The following ATP10B variants were observed in gnomAD, a reference collection of about 807,000 sequenced individuals.
ATP10B encodes ATPase phospholipid transporting 10B (putative).
A neutral mutation model predicts 141.2 loss-of-function variants in ATP10B; 122 were observed. The observed-to-expected ratio is 0.86, with a 90% CI of 0.75 to 1.00. ATP10B has a LOEUF of 1.00. Among genes scored for constraint, ATP10B ranks in the 50% least tolerant of loss-of-function variants. ATP10B has a pLI of 0.00. For synonymous variants in ATP10B, 685 were observed against 692.0 expected (o/e 0.99, Z 0.16); for missense variants, 1,876 against 1,825.3 (o/e 1.03, Z -0.51).
the ATP10B span, among the ~76,000 whole-genome samples, chr5:160,891,203 A>G: frequency 2.6e-5 from 4 of 152,162 alleles, no homozygotes; most frequent in East Asian, 3.9e-4. Flanking sequence ...TTCTTTGCCA[A>G]CATTCTGTGT....
intron 7 of ATP10B, among the ~76,000 whole-genome samples, chr5:160,669,810 C>G (rs1198094535): frequency 2.7e-5 from 4 of 150,208 alleles, no homozygotes; most frequent in African/African-American, 9.8e-5. Flanking sequence ...CCATGTTGGC[C>G]AGGATGATCT....
At chr5:160,744,764 T>C (rs906751737) in intron 2 of ATP10B, among the ~76,000 whole-genome samples, 1 of 152,240 alleles carries the variant, frequency 6.6e-6, no homozygotes, top group African/African-American at 2.4e-5. Context: ...AACTGTCTAT[T>C]GAGACAGACA....
At chr5:160,592,218 A>G (rs1456585688) in intron 22 of ATP10B, among the ~76,000 whole-genome samples, 1 of 152,184 alleles carries the variant, frequency 6.6e-6, no homozygotes, top group Non-Finnish European at 1.5e-5. Flanking sequence ...TGCCTTCCCT[A>G]ATATGAAATA....
At chr5:160,709,585 C>A (rs532110173) in intron 3 of ATP10B, among the ~76,000 whole-genome samples, 12 of 146,330 alleles carry the variant, frequency 8.2e-5, no homozygotes, top group Non-Finnish European at 1.3e-4. Context: ...TGGATACTTT[C>A]ATAAACAAAT....
the ATP10B span, among the ~76,000 whole-genome samples, chr5:160,884,793 C>T: frequency 6.6e-6 from 1 of 152,092 alleles, no homozygotes; most frequent in Non-Finnish European, 1.5e-5. Context: ...TGAAAGGTGG[C>T]ACACAAATGT....
intron 1 of ATP10B, among the ~76,000 whole-genome samples, chr5:160,848,534 A>C (rs1389668681): frequency 6.6e-6 from 1 of 152,246 alleles, no homozygotes; most frequent in Non-Finnish European, 1.5e-5. Flanking sequence ...TTGCTAATCC[A>C]CGTGCCAACT....
chr5:160,606,485 C>G (rs1403500763), intron 19 of ATP10B, among the ~76,000 whole-genome samples: 1 of 152,200 alleles, frequency 6.6e-6, no homozygotes. Context: ...ATTTCTTGAG[C>G]TATCTGGATT....
intron 1 of ATP10B, among the ~76,000 whole-genome samples, chr5:160,812,237 G>A (rs1361125081): frequency 1.3e-5 from 2 of 152,140 alleles, no homozygotes; most frequent in African/African-American, 4.8e-5. Flanking sequence ...TGCAGATACA[G>A]TTAGATCACA....
At chr5:160,600,450 A>G (rs1333845603) in intron 21 of ATP10B, among the ~76,000 whole-genome samples, 7 of 152,212 alleles carry the variant, frequency 4.6e-5, no homozygotes, top group African/African-American at 1.7e-4. Flanking sequence ...TTTGAAGAAA[A>G]AGCTTCCTGA....
At chr5:160,845,191 T>C (rs1329642680) in intron 1 of ATP10B, among the ~76,000 whole-genome samples, 3 of 152,346 alleles carry the variant, frequency 2.0e-5, no homozygotes, top group East Asian at 1.9e-4. Context: ...ATTATCACTA[T>C]GTGACTCTAA....
chr5:160,685,982 G>T (rs902724008), intron 6 of ATP10B, 97 bp downstream of exon 6: 13 of 977,834 alleles, frequency 1.3e-5, no homozygotes, highest in Non-Finnish European at 1.8e-5. Context: ...AATAATTTAG[G>T]AAAATAAAAT....
chr5:160,825,960 C>T (rs1774571385), intron 1 of ATP10B, among the ~76,000 whole-genome samples: 1 of 152,206 alleles, frequency 6.6e-6, no homozygotes, highest in African/African-American at 2.4e-5. Context: ...CCTCCAGCTT[C>T]ATCCACTTTG....
Position 160,823,001 on chromosome 5 carries a change from CATATATATAT to C in ATP10B, c.-576+28930_-576+28939del, listed in dbSNP as rs60078265. Among the ~76,000 whole-genome samples the C allele has an allele frequency of 3.5e-3, 121 of 34,498 alleles. 3 individuals carry two copies. The highest frequency in any genetic ancestry group is 9.8e-3 in the African/African-American group (105 of 10,722). The allele number at this position is 34,498 out of a possible 152,430, so 22.6% of individuals were successfully genotyped here. On this transcript the variant is annotated intron_variant, in intron 1 of 25. Transcript: ENST00000327245. ...AAAATTACATATACATATATATATA[CATATATATAT>C]ATATATATATATATATATATATATA...
At chr5:160,662,329 C>T (rs1444305070) in intron 7 of ATP10B, among the ~76,000 whole-genome samples, 2 of 152,186 alleles carry the variant, frequency 1.3e-5, no homozygotes, top group Non-Finnish European at 2.9e-5. Flanking sequence ...AAAGAGCCCG[C>T]ATTGCCAAGT....
intron 1 of ATP10B, among the ~76,000 whole-genome samples, chr5:160,814,648 C>A (rs549539315): frequency 6.6e-6 from 1 of 152,058 alleles, no homozygotes; most frequent in Non-Finnish European, 1.5e-5. Context: ...CACAAAGATA[C>A]TCCACGAGAA....
chr5:160,714,571 T>C (rs1173377921), intron 3 of ATP10B, among the ~76,000 whole-genome samples: 16 of 104,890 alleles, frequency 1.5e-4, no homozygotes, highest in African/African-American at 5.6e-4. Flanking sequence ...TGTCCTCCCG[T>C]AACTTAGAGT....
chr5:160,823,975 G>A (rs1001439809), intron 1 of ATP10B, among the ~76,000 whole-genome samples: 19 of 152,088 alleles, frequency 1.2e-4, no homozygotes, highest in East Asian at 1.9e-4. Flanking sequence ...AAATAAGTAC[G>A]CAGAATAAAT....
the ATP10B span, among the ~76,000 whole-genome samples, chr5:160,858,474 A>C: frequency 6.6e-6 from 1 of 151,778 alleles, no homozygotes; most frequent in African/African-American, 2.4e-5. Context: ...TGGTATGTAA[A>C]CTGTGTTCCT....
intron 1 of ATP10B, among the ~76,000 whole-genome samples, chr5:160,848,268 A>G (rs1346755545): frequency 6.6e-6 from 1 of 152,206 alleles, no homozygotes; most frequent in Non-Finnish European, 1.5e-5. Flanking sequence ...GAGAATAAGG[A>G]TGTAGCAAGT....
Sources: allele counts gnomAD v4.1 joint callset (sites outside exome capture counted in the v4.1 genomes callset), GRCh38; gene constraint gnomAD v4.1.1; transcripts MANE v1.5; gene names NCBI Gene and HGNC (gene_info 2026-07-23, HGNC 2026-07-21).